Variants in RAPGEF5 observed in about 807,000 individuals in gnomAD.
RAPGEF5 encodes Rap guanine nucleotide exchange factor 5.
RAPGEF5 carries 65 observed loss-of-function variants against 125.2 expected under a neutral mutation model. That is an observed-to-expected ratio of 0.52 (90% CI 0.43 to 0.64). The LOEUF (loss-of-function observed/expected upper bound fraction) is 0.64, where lower values mean the gene tolerates loss of function less well. RAPGEF5 is among the 30% of genes least tolerant of loss of function. The probability of loss-of-function intolerance (pLI) is 0.00; values close to 1 mark genes in which losing one functional copy is unlikely to be tolerated. For missense variants in RAPGEF5, 958 were observed against 1,048.1 expected, an observed-to-expected ratio of 0.91 and a Z score of 1.19; for synonymous variants, 391 against 385.9, an observed-to-expected ratio of 1.01 and a Z score of -0.16.
At chr7:22,124,795 A>G (rs544243387) in intron 25 of RAPGEF5, among the ~76,000 whole-genome samples, 12 of 152,304 alleles carry the variant, frequency 7.9e-5, no homozygotes, top group African/African-American at 2.6e-4. Flanking sequence ...CAGGATCTGT[A>G]GAGGGCAAAA....
intron 5 of RAPGEF5, among the ~76,000 whole-genome samples, chr7:22,291,563 G>A (rs1476047995): frequency 1.3e-5 from 2 of 152,192 alleles, no homozygotes; most frequent in African/African-American, 4.8e-5. Context: ...GAAGGTAGAT[G>A]CAAATAAAAG....
chr7:22,145,967 C>CATGT (rs113672650), intron 19 of RAPGEF5, among the ~76,000 whole-genome samples: 1 of 143,884 alleles, frequency 7.0e-6, no homozygotes, highest in Non-Finnish European at 1.5e-5. Context: ...TGTTTGTGTG[C>CATGT]GTGTGTGTGT....
At chr7:22,142,245 G>A (rs1189309747) in intron 20 of RAPGEF5, among the ~76,000 whole-genome samples, 1 of 152,174 alleles carries the variant, frequency 6.6e-6, no homozygotes, top group Non-Finnish European at 1.5e-5. Context: ...CTTAAGGCTA[G>A]AGTATACGTC....
intron 9 of RAPGEF5, among the ~76,000 whole-genome samples, chr7:22,197,220 C>G (rs909856623): frequency 2.8e-4 from 42 of 152,052 alleles, no homozygotes; most frequent in Admixed American, 1.9e-3. Flanking sequence ...TGTGAGTGAA[C>G]AAGGAGGAAG....
chr7:22,127,258 C>A (rs1196183834), intron 24 of RAPGEF5, among the ~76,000 whole-genome samples: 3 of 152,104 alleles, frequency 2.0e-5, no homozygotes, highest in Non-Finnish European at 4.4e-5. Context: ...TCAGGCTGGT[C>A]TTGAACTCCT....
At chr7:22,247,097 C>T (rs1786496741) in intron 7 of RAPGEF5, among the ~76,000 whole-genome samples, 1 of 152,074 alleles carries the variant, frequency 6.6e-6, no homozygotes, top group African/African-American at 2.4e-5. Flanking sequence ...GGCAAGACTG[C>T]AGAGAAAAGG....
chr7:22,298,581 A>G (rs1395948888), intron 5 of RAPGEF5: 1 of 152,174 alleles, frequency 6.6e-6, no homozygotes, highest in African/African-American at 2.4e-5. Context: ...GTTATATAGA[A>G]ATGACATAAT....
chr7:22,345,507 T>C (rs916385563), intron 1 of RAPGEF5, among the ~76,000 whole-genome samples: 3 of 152,156 alleles, frequency 2.0e-5, no homozygotes, highest in Admixed American at 1.3e-4. Flanking sequence ...TCAGTAACTT[T>C]TGAGTCTATT....
chr7:22,179,145 T>C (rs1395400241), intron 11 of RAPGEF5, among the ~76,000 whole-genome samples: 1 of 152,208 alleles, frequency 6.6e-6, no homozygotes, highest in African/African-American at 2.4e-5. Flanking sequence ...GTCACAATAA[T>C]AGAATATTAT....
At chr7:22,338,769 G>A (rs1008261049) in intron 1 of RAPGEF5, among the ~76,000 whole-genome samples, 4 of 152,222 alleles carry the variant, frequency 2.6e-5, no homozygotes, top group South Asian at 2.1e-4. Context: ...TCATTGTGGA[G>A]GAAGACGGTG....
intron 3 of RAPGEF5, among the ~76,000 whole-genome samples, chr7:22,311,200 T>C (rs1018598102): frequency 1.3e-5 from 2 of 152,114 alleles, no homozygotes; most frequent in East Asian, 3.9e-4. Context: ...TTGTTTTTTG[T>C]AGAGACTGAG....
intron 6 of RAPGEF5, among the ~76,000 whole-genome samples, chr7:22,284,383 T>G (rs1782748549): frequency 6.6e-6 from 1 of 152,124 alleles, no homozygotes; most frequent in Non-Finnish European, 1.5e-5. Flanking sequence ...GAACGTAGTA[T>G]CAAGTCCTAT....
chr7:22,264,220 C>T (rs1427227890), intron 7 of RAPGEF5, among the ~76,000 whole-genome samples: 3 of 152,110 alleles, frequency 2.0e-5, no homozygotes, highest in Admixed American at 6.6e-5. Context: ...AGCCAGACCT[C>T]CAGTCATATA....
intron 9 of RAPGEF5, among the ~76,000 whole-genome samples, chr7:22,199,684 G>A: frequency 6.6e-6 from 1 of 152,010 alleles, no homozygotes. Flanking sequence ...GTAGCTGGAA[G>A]GTCCGAGAAA....
chr7:22,313,817 G>T (rs925421041), intron 3 of RAPGEF5, among the ~76,000 whole-genome samples: 2 of 152,166 alleles, frequency 1.3e-5, no homozygotes, highest in Non-Finnish European at 2.9e-5. Flanking sequence ...GTTTCTAAAG[G>T]TGATGCCATC....
chr7:22,262,920 G>A (rs1458698577), intron 7 of RAPGEF5, among the ~76,000 whole-genome samples: 1 of 152,150 alleles, frequency 6.6e-6, no homozygotes, highest in African/African-American at 2.4e-5. Context: ...AGCCGGTATC[G>A]TGCCACTGCA....
At chr7:22,256,453 C>T (rs1786763102) in intron 7 of RAPGEF5, among the ~76,000 whole-genome samples, 1 of 152,172 alleles carries the variant, frequency 6.6e-6, no homozygotes, top group Admixed American at 6.5e-5. Context: ...AAATTTTACG[C>T]CAGCCCCTGC....
rs565978593 is a variant in RAPGEF5, at chr7:22,310,678, TCAAA to T, written c.390-592_390-589del. Among the ~76,000 whole-genome samples, 916 of 152,308 alleles carry T rather than the reference TCAAA, an allele frequency of 6.0e-3. 10 individuals are homozygous for T. Among genetic ancestry groups the T allele is most frequent in the African/African-American group, 0.021 (855 of 41,568 alleles). On this transcript the variant is annotated intron_variant, in intron 3 of 25. Transcript: ENST00000665637. The stretch of plus-strand genomic sequence containing the variant: ...TTGTATAGAGTTTGTTTGCTATTCT[TCAAA>T]CAAAGATTGAACCCTAAAATTTACT...
At chr7:22,225,692 T>G (rs1270271540) in intron 8 of RAPGEF5, among the ~76,000 whole-genome samples, 1 of 152,182 alleles carries the variant, frequency 6.6e-6, no homozygotes, top group East Asian at 1.9e-4. Flanking sequence ...TGATCTAGAC[T>G]TTCACATCCC....
Sources: gnomAD v4.1 joint callset for allele counts (sites outside exome capture counted in the v4.1 genomes callset) on GRCh38, gnomAD v4.1.1 for gene constraint, MANE v1.5 for transcripts, NCBI Gene and HGNC (gene_info 2026-07-23, HGNC 2026-07-21) for gene names.